Variants in PRKAG2 observed in about 807,000 individuals in gnomAD.
The protein encoded by PRKAG2 is 5'-AMP-activated protein kinase subunit gamma-2.
PRKAG2 carries 26 observed loss-of-function variants against 69.6 expected under a neutral mutation model. The observed-to-expected ratio is 0.37, with a 90% CI of 0.27 to 0.52. PRKAG2 has a LOEUF of 0.52. Ranked by LOEUF, PRKAG2 falls within the 20% of genes least tolerant of loss-of-function variation. The pLI, the probability that PRKAG2 is intolerant of heterozygous loss-of-function variation, is 0.90. For synonymous variants in PRKAG2, 293 were observed against 285.0 expected (o/e 1.03, Z -0.28); for missense variants, 557 against 740.0 (o/e 0.75, Z 2.87).
chr7:151,610,141 G>A (rs1205451960), intron 5 of PRKAG2, among the ~76,000 whole-genome samples: 2 of 152,168 alleles, frequency 1.3e-5, no homozygotes, highest in African/African-American at 2.4e-5. Flanking sequence ...CGAGGTGGGC[G>A]GAACACGAGG....
intron 3 of PRKAG2, among the ~76,000 whole-genome samples, chr7:151,720,942 C>A (rs1376317134): frequency 9.3e-6 from 1 of 107,166 alleles, no homozygotes; most frequent in Non-Finnish European, 1.9e-5. Flanking sequence ...AGGGATGGAG[C>A]GGGGTAATAA....
intron 6 of PRKAG2, among the ~76,000 whole-genome samples, chr7:151,578,062 T>G (rs1585012760): frequency 1.3e-5 from 2 of 151,548 alleles, no homozygotes; most frequent in East Asian, 3.9e-4. Context: ...CCTTGTTGGC[T>G]GGGCACAGTG....
intron 5 of PRKAG2, among the ~76,000 whole-genome samples, chr7:151,611,906 G>A (rs1264112806): frequency 6.6e-6 from 1 of 152,130 alleles, no homozygotes; most frequent in South Asian, 2.1e-4. Context: ...TTAGCTGGAC[G>A]TGGTGGTGCA....
intron 5 of PRKAG2, among the ~76,000 whole-genome samples, chr7:151,610,739 C>CTTTTTTT (rs10523596): frequency 1.1e-3 from 114 of 105,588 alleles, no homozygotes; most frequent in African/African-American, 1.8e-3. Flanking sequence ...TTTTTCTTTT[C>CTTTTTTT]TTTTTTTTTT....
rs1045825848 is a variant in PRKAG2 at position 151,756,536 on chromosome 7, C to T, written c.466+24616G>A. Among the ~76,000 whole-genome samples the T allele has an allele frequency of 6.6e-6, 1 of 152,226 alleles. No homozygotes were observed. The highest frequency in any genetic ancestry group is 1.5e-5 in the Non-Finnish European group (1 of 68,034). The stretch of plus-strand genomic sequence containing the variant: ...TCTGCCTGGATGCAGGGGCTGACCT[C>T]TGACCCCTGCTGCCATGTGTCCAGG... On this transcript the variant is annotated intron_variant, in intron 3 of 15. Transcript: ENST00000287878. The surrounding 1 kb of genome is among the most constrained non-coding windows in gnomAD (Gnocchi z 4.9).
chr7:151,729,421 C>T (rs1479352362), intron 3 of PRKAG2, among the ~76,000 whole-genome samples: 5 of 93,532 alleles, frequency 5.3e-5, no homozygotes, highest in South Asian at 3.7e-4. Context: ...GGGTGGGGGC[C>T]GGGGAGGGCC....
intron 6 of PRKAG2, among the ~76,000 whole-genome samples, chr7:151,587,924 G>A (rs998762352): frequency 2.0e-5 from 3 of 152,114 alleles, no homozygotes; most frequent in African/African-American, 7.2e-5. Flanking sequence ...ACTAACGCAA[G>A]ATGTCAAAAT....
Position 151,788,638 on chromosome 7 carries a change from T to C in PRKAG2, c.115-2097A>G, listed in dbSNP as rs571711809. Among the ~76,000 whole-genome samples, 2 of 152,348 alleles carry C rather than the reference T, an allele frequency of 1.3e-5. No individual in the cohort carries two copies. Among genetic ancestry groups the C allele is most frequent in the East Asian group, 3.9e-4 (2 of 5,190 alleles). ...TTGCCTTTTTACTCTGCTGTGTCCT[T>C]TGATGTACAGAAGTCTTTGATTTAT... is the stretch of plus-strand genomic sequence containing the variant. On this transcript the variant is annotated intron_variant, in intron 1 of 15. Coordinates refer to ENST00000287878, the MANE Select transcript of PRKAG2 (RefSeq NM_016203.4). This position sits in a 1 kb window ranked among gnomAD's most constrained non-coding sequence, Gnocchi z 4.6.
chr7:151,773,166 CAAGGAAGG>C lies in PRKAG2; in HGVS notation c.466+7978_466+7985del, dbSNP rs138396352. ...GAAGAAAGGAAGGAAGGAAGGGAAG[CAAGGAAGG>C]AAGGAAGGAAGGAAAGAAAGAAGGA... On this transcript the variant is annotated intron_variant, in intron 3 of 15. Transcript: ENST00000287878. Among the ~76,000 whole-genome samples the C allele has an allele frequency of 1.6e-3, 167 of 103,256 alleles. 1 individual carries two copies. The highest frequency in any genetic ancestry group is 5.1e-3 in the African/African-American group (148 of 28,898). The allele number at this position is 103,256 out of a possible 152,430, so 67.7% of individuals were successfully genotyped here.
chr7:151,809,250 T>G (rs1401187590), intron 1 of PRKAG2: 2 of 456,472 alleles, frequency 4.4e-6, no homozygotes, highest in East Asian at 6.9e-5. Context: ...TCAAAACAGG[T>G]GAATCCCTAG....
chr7:151,651,134 T>C (rs1054519095), intron 4 of PRKAG2, among the ~76,000 whole-genome samples: 1 of 152,218 alleles, frequency 6.6e-6, no homozygotes, highest in African/African-American at 2.4e-5. Context: ...CTTGACAATT[T>C]CCCCATACTT....
intron 10 of PRKAG2, among the ~76,000 whole-genome samples, 177 bp downstream of exon 10, chr7:151,569,994 C>T (rs1024348035): frequency 2.0e-5 from 3 of 152,196 alleles, no homozygotes; most frequent in Admixed American, 6.5e-5. Context: ...GCACCAGCAA[C>T]GGCTGTGATT....
At chr7:151,639,671 C>T (rs1826334209) in intron 4 of PRKAG2, among the ~76,000 whole-genome samples, 1 of 152,264 alleles carries the variant, frequency 6.6e-6, no homozygotes, top group African/African-American at 2.4e-5. Context: ...TGGGACTTAA[C>T]AGCAGCAGCC....
At chr7:151,676,855 C>G (rs1833019070) in intron 3 of PRKAG2, among the ~76,000 whole-genome samples, 1 of 152,164 alleles carries the variant, frequency 6.6e-6, no homozygotes, top group African/African-American at 2.4e-5. Context: ...AAAAGAGACA[C>G]AGAAACGGAT....
intron 3 of PRKAG2, among the ~76,000 whole-genome samples, chr7:151,775,161 G>A (rs2076278394): frequency 6.6e-6 from 1 of 152,262 alleles, no homozygotes; most frequent in African/African-American, 2.4e-5. Flanking sequence ...AGGAGGGTGG[G>A]ATGCCACAGT....
intron 3 of PRKAG2, among the ~76,000 whole-genome samples, chr7:151,738,647 A>C (rs2073641088): frequency 6.6e-6 from 1 of 152,280 alleles, no homozygotes. Context: ...TAACTAGCCC[A>C]ACCTATTCCT....
chr7:151,648,817 T>TTTAA (rs1423588852), intron 4 of PRKAG2, among the ~76,000 whole-genome samples: 3 of 151,982 alleles, frequency 2.0e-5, no homozygotes, highest in Non-Finnish European at 4.4e-5. Flanking sequence ...ACCCAGGAGT[T>TTTAA]TTAACCCAAG....
chr7:151,596,042 G>C (rs1814432034), intron 5 of PRKAG2, among the ~76,000 whole-genome samples: 1 of 151,604 alleles, frequency 6.6e-6, no homozygotes, highest in African/African-American at 2.4e-5. Flanking sequence ...AAAAATAAAG[G>C]GGAAAAAAAA....
At chr7:151,606,767 C>T (rs899345740) in intron 5 of PRKAG2, among the ~76,000 whole-genome samples, 1 of 152,078 alleles carries the variant, frequency 6.6e-6, no homozygotes, top group South Asian at 2.1e-4. Context: ...CTGCAGTGAG[C>T]CGAGATCCTA....
Sources: allele counts gnomAD v4.1 joint callset (sites outside exome capture counted in the v4.1 genomes callset), GRCh38; gene constraint gnomAD v4.1.1; non-coding constraint Gnocchi (gnomAD v3.1); transcripts MANE v1.5; gene names NCBI Gene and HGNC (gene_info 2026-07-23, HGNC 2026-07-21).